The following SDK1 variants were observed in gnomAD, a reference collection of about 807,000 sequenced individuals.
The protein encoded by SDK1 is sidekick cell adhesion molecule 1, also known as protein sidekick-1.
In SDK1, 157 loss-of-function variants were observed where a neutral mutation model predicts 245.5. The ratio of observed to expected loss-of-function variants is 0.64; its 90% CI spans 0.56 to 0.73. SDK1 has a LOEUF of 0.73. SDK1 is among the 30% of genes least tolerant of loss of function. The probability of loss-of-function intolerance (pLI) is 0.00; values close to 1 mark genes in which losing one functional copy is unlikely to be tolerated. For missense variants in SDK1, 3,583 were observed against 3,002.3 expected (o/e 1.19, Z -4.52); for synonymous variants, 1,647 against 1,278.5 (o/e 1.29, Z -6.15).
chr7:3,945,464 C>T (rs936227433), intron 5 of SDK1, among the ~76,000 whole-genome samples: 3 of 152,136 alleles, frequency 2.0e-5, no homozygotes, highest in Non-Finnish European at 1.5e-5. Flanking sequence ...AGTATTTATA[C>T]TCTCCGAGAC....
intron 37 of SDK1, 123 bp downstream of exon 37, chr7:4,208,408 T>C: frequency 1.2e-6 from 1 of 826,132 alleles, no homozygotes; most frequent in African/African-American, 1.7e-5. Context: ...ACCTTTTGAG[T>C]AGCTGGGAGT....
intron 4 of SDK1, among the ~76,000 whole-genome samples, chr7:3,750,779 T>C (rs1202143003): frequency 6.6e-6 from 1 of 152,246 alleles, no homozygotes; most frequent in Non-Finnish European, 1.5e-5. Flanking sequence ...CAGTAAATAC[T>C]AGTGAAATAA....
In SDK1 at chr7:3,531,389, AAAAT is replaced by A. The variant is rs1214584617; in HGVS notation, c.299-87688_299-87685del. 2.0e-5 allele frequency among the ~76,000 whole-genome samples: 3 copies of A among 152,332 alleles called. No individual in the cohort carries two copies. In the East Asian group the frequency reaches 5.8e-4, roughly 29 times the overall value. ...TATGACAGACATTATCTTCATTTGAAAAATAAGCATTTGAAAATTTAAATTTTTT... is the reference window on the plus strand; with the variant it reads ...TATGACAGACATTATCTTCATTTGAAAAGCATTTGAAAATTTAAATTTTTT... On this transcript the variant is annotated intron_variant, in intron 1 of 44. Coordinates refer to ENST00000404826, the MANE Select transcript of SDK1 (RefSeq NM_152744.4).
intron 1 of SDK1, among the ~76,000 whole-genome samples, chr7:3,570,655 A>G (rs1028796630): frequency 6.6e-6 from 1 of 152,212 alleles, no homozygotes; most frequent in Non-Finnish European, 1.5e-5. Context: ...CAACATGATC[A>G]TTAACTTATG....
At chr7:3,393,809 A>G (rs372452773) in intron 1 of SDK1, among the ~76,000 whole-genome samples, 17 of 152,208 alleles carry the variant, frequency 1.1e-4, no homozygotes, top group Admixed American at 4.6e-4. Flanking sequence ...TTGAAAGGTC[A>G]TGTATATCTG....
At chr7:3,459,589 G>T (rs1780774192) in intron 1 of SDK1, among the ~76,000 whole-genome samples, 1 of 152,204 alleles carries the variant, frequency 6.6e-6, no homozygotes, top group South Asian at 2.1e-4. Context: ...AGGGACAAAG[G>T]AGATGTCTGT....
At chr7:3,904,021 A>G (rs1781881584) in intron 5 of SDK1, among the ~76,000 whole-genome samples, 1 of 152,158 alleles carries the variant, frequency 6.6e-6, no homozygotes, top group Non-Finnish European at 1.5e-5. Context: ...GCAGACGTCC[A>G]ATCTTGAACT....
chr7:3,993,084 G>A (rs550316636), intron 14 of SDK1, among the ~76,000 whole-genome samples: 22 of 152,144 alleles, frequency 1.4e-4, no homozygotes, highest in Non-Finnish European at 2.8e-4. Context: ...TGATTCTATC[G>A]TTGCATTAGA....
In SDK1 at chr7:3,958,936, C is replaced by T. The variant is rs749025733; in HGVS notation, c.1156C>T (p.Pro386Ser). The T allele has an allele frequency of 1.2e-6, 2 of 1,613,268 alleles. No homozygotes were observed. The highest frequency in any genetic ancestry group is 1.7e-5 in the Admixed American group (1 of 60,004). Reference protein sequence around the residue: ...ATAFLFIIEPPYFTAEPESRI... With the variant: ...ATAFLFIIEPSYFTAEPESRI... ...TTTTATTTTCTTGTTTGAAGAGCCA[C>T]CATATTTTACTGCTGAGCCCGAGAG... Residue 386 changes from proline (P) to serine (S), a missense_variant, in exon 8 of 45, where the codon CCA (proline) becomes TCA (serine). Transcript: ENST00000404826.
intron 12 of SDK1, 78 bp downstream of exon 12, chr7:3,971,646 A>C: frequency 9.3e-7 from 1 of 1,075,874 alleles, no homozygotes; most frequent in Non-Finnish European, 1.4e-6. Context: ...GATGAGGAGG[A>C]AGAATTGGGG....
intron 20 of SDK1, among the ~76,000 whole-genome samples, chr7:4,072,185 C>T (rs1290417872): frequency 2.0e-5 from 3 of 152,190 alleles, no homozygotes; most frequent in Non-Finnish European, 2.9e-5. Context: ...AGCTTGACTT[C>T]GAAGCTCGAG....
intron 14 of SDK1, among the ~76,000 whole-genome samples, chr7:3,988,130 ATGTTTT>A (rs1784017366): frequency 8.8e-6 from 1 of 113,840 alleles, no homozygotes; most frequent in Non-Finnish European, 1.9e-5. Flanking sequence ...CATCTTTTTA[ATGTTTT>A]TTTTTTTTTT....
At chr7:3,757,065 C>G (rs916141168) in intron 4 of SDK1, among the ~76,000 whole-genome samples, 2 of 152,090 alleles carry the variant, frequency 1.3e-5, no homozygotes, top group African/African-American at 4.8e-5. Flanking sequence ...CTCTCTGACA[C>G]CAACTGGGTG....
chr7:3,602,810 G>A lies in SDK1; in HGVS notation c.299-16270G>A, dbSNP rs539620785. On this transcript the variant is annotated intron_variant, in intron 1 of 44. Coordinates refer to ENST00000404826, the MANE Select transcript of SDK1 (RefSeq NM_152744.4). ...TCTTCTAGGGTTTTTATAGTTTTAG[G>A]TCTAACATTTAAGTCTTTAATCCAT... 1.1e-3 allele frequency among the ~76,000 whole-genome samples: 169 copies of A among 152,252 alleles called. 1 individual carries two copies. Among genetic ancestry groups the A allele is most frequent in the African/African-American group, 3.8e-3 (156 of 41,538 alleles).
chr7:3,529,822 C>G (rs1362440156), intron 1 of SDK1, among the ~76,000 whole-genome samples: 3 of 152,090 alleles, frequency 2.0e-5, no homozygotes, highest in African/African-American at 4.8e-5. Flanking sequence ...CACGTGCCTC[C>G]CAAGGAGAAA....
intron 4 of SDK1, among the ~76,000 whole-genome samples, chr7:3,678,702 A>G (rs1051625326): frequency 6.6e-6 from 1 of 152,244 alleles, no homozygotes; most frequent in African/African-American, 2.4e-5. Context: ...CTGGATAGAA[A>G]TAGTGGTGAT....
intron 1 of SDK1, among the ~76,000 whole-genome samples, chr7:3,355,760 A>C (rs879298614): frequency 6.6e-6 from 1 of 152,200 alleles, no homozygotes; most frequent in Admixed American, 6.5e-5. Context: ...AAACTCATCT[A>C]TTAGTCCCAA....
intron 1 of SDK1, among the ~76,000 whole-genome samples, chr7:3,385,039 C>T (rs959082243): frequency 3.3e-5 from 5 of 152,044 alleles, no homozygotes; most frequent in African/African-American, 1.2e-4. Flanking sequence ...ACACCTGAAA[C>T]ATCAAACACA....
At chr7:3,505,291 G>A (rs949343595) in intron 1 of SDK1, among the ~76,000 whole-genome samples, 6 of 152,234 alleles carry the variant, frequency 3.9e-5, no homozygotes, top group African/African-American at 1.4e-4. Context: ...CTGTCACCCA[G>A]TTTAGAGTGC....
Sources: gnomAD v4.1 joint callset for allele counts (sites outside exome capture counted in the v4.1 genomes callset) on GRCh38, gnomAD v4.1.1 for gene constraint, MANE v1.5 for transcripts, NCBI Gene and HGNC (gene_info 2026-07-23, HGNC 2026-07-21) for gene names.